The following RBBP5 variants were observed in gnomAD, a reference collection of about 807,000 sequenced individuals.
The protein encoded by RBBP5 is retinoblastoma-binding protein 5.
A neutral mutation model predicts 72.2 loss-of-function variants in RBBP5; 5 were observed. The observed-to-expected ratio is 0.07, with a 90% CI of 0.04 to 0.15. RBBP5 has a LOEUF of 0.15. RBBP5 is among the 10% of genes least tolerant of loss of function. RBBP5 has a pLI of 1.00. For synonymous variants in RBBP5, 209 were observed against 237.2 expected (o/e 0.88, Z 1.09); for missense variants, 322 against 652.2 (o/e 0.49, Z 5.51).
chr1:205,089,900 G>A (rs1655275479), intron 13 of RBBP5, among the ~76,000 whole-genome samples: 1 of 152,006 alleles, frequency 6.6e-6, no homozygotes, highest in African/African-American at 2.4e-5. Context: ...TGCCCAGGCT[G>A]GATTGCAATG....
chr1:205,094,788 A>T lies in RBBP5; in HGVS notation c.1588+85T>A, dbSNP rs1026966477. 17 of 1,371,338 alleles carry T rather than the reference A, an allele frequency of 1.2e-5. No homozygotes were observed. In the African/African-American group the frequency reaches 2.5e-4, roughly 20 times the overall value. 84.9% of individuals were successfully genotyped at this position (1,371,338 alleles called of 1,614,324 possible). A position where few individuals can be genotyped will look rare whatever the true frequency, so the allele number is the denominator to read the frequency against. ...GGAAAAACGAGGGAAGAGAGGGGGAAAAAATGTTGCAGTTAAATGAAGTCA... is the reference window on the plus strand; with the variant it reads ...GGAAAAACGAGGGAAGAGAGGGGGATAAAATGTTGCAGTTAAATGAAGTCA... On this transcript the variant is annotated intron_variant, in intron 13 of 13. Coordinates refer to ENST00000264515, the MANE Select transcript of RBBP5 (RefSeq NM_005057.4).
chr1:205,107,429 C>T (rs1656116927), intron 3 of RBBP5, among the ~76,000 whole-genome samples: 1 of 152,088 alleles, frequency 6.6e-6, no homozygotes, highest in Admixed American at 6.6e-5. Context: ...AGGGATTTCT[C>T]ATCAGAAACC....
chr1:205,106,755 T>C (rs573743220), intron 3 of RBBP5, among the ~76,000 whole-genome samples: 69 of 152,246 alleles, frequency 4.5e-4, no homozygotes, highest in African/African-American at 1.6e-3. Flanking sequence ...ACATAAATGT[T>C]AGAATTATCT....
intron 1 of RBBP5, among the ~76,000 whole-genome samples, chr1:205,120,181 C>A (rs1402872133): frequency 1.3e-5 from 2 of 152,172 alleles, no homozygotes; most frequent in South Asian, 2.1e-4. Context: ...CCTCATCACT[C>A]ATATAATCTA....
At chr1:205,101,293 C>T (rs1257353919) in intron 6 of RBBP5, among the ~76,000 whole-genome samples, 1 of 152,188 alleles carries the variant, frequency 6.6e-6, no homozygotes, top group Non-Finnish European at 1.5e-5. Context: ...TTGATGACAT[C>T]AGTCCTGATG....
intron 13 of RBBP5, among the ~76,000 whole-genome samples, chr1:205,089,749 T>G (rs1207242246): frequency 2.6e-5 from 4 of 152,232 alleles, no homozygotes; most frequent in African/African-American, 9.6e-5. Flanking sequence ...ATTTAAACTT[T>G]TCCATAGTTC....
intron 6 of RBBP5, among the ~76,000 whole-genome samples, chr1:205,100,599 A>G (rs1469569785): frequency 6.6e-6 from 1 of 152,166 alleles, no homozygotes; most frequent in East Asian, 1.9e-4. Flanking sequence ...TTTACACATA[A>G]TATATATTTT....
chr1:205,089,387 AT>A (rs1421183988), intron 13 of RBBP5, among the ~76,000 whole-genome samples: 3 of 152,224 alleles, frequency 2.0e-5, no homozygotes, highest in Non-Finnish European at 4.4e-5. Context: ...GAATAGTACA[AT>A]GAAATGAACA....
At chr1:205,102,803 G>C (rs1324646061) in intron 5 of RBBP5, among the ~76,000 whole-genome samples, 3 of 152,004 alleles carry the variant, frequency 2.0e-5, no homozygotes, top group Admixed American at 6.6e-5. Context: ...AGACCAGCCT[G>C]ATCAACATGG....
intron 3 of RBBP5, among the ~76,000 whole-genome samples, chr1:205,107,015 T>A (rs1277450229): frequency 6.6e-6 from 1 of 151,218 alleles, no homozygotes; most frequent in Non-Finnish European, 1.5e-5. Context: ...ACCATAGACA[T>A]ATATATATAT....
At chr1:205,093,523 TATATATATATAC>T (rs1255021862) in intron 13 of RBBP5, among the ~76,000 whole-genome samples, 2 of 21,820 alleles carry the variant, frequency 9.2e-5, no homozygotes, top group South Asian at 1.7e-3. Flanking sequence ...TATATATATA[TATATATATATAC>T]ACACACACAC....
chr1:205,094,602 C>T (rs982565427), intron 13 of RBBP5, among the ~76,000 whole-genome samples: 3 of 152,120 alleles, frequency 2.0e-5, no homozygotes, highest in Admixed American at 6.5e-5. Flanking sequence ...GGACATCTTC[C>T]CCAGAAAAAT....
intron 1 of RBBP5, among the ~76,000 whole-genome samples, chr1:205,118,236 TCAATGTTTTTCAAACAGTAAGACG>T (rs1656603209): frequency 6.6e-6 from 1 of 152,200 alleles, no homozygotes; most frequent in Non-Finnish European, 1.5e-5. Flanking sequence ...GTATCTTATT[TCAATGTTTTTCAAACAGTAAGACG>T]CAATCCACCA....
At chr1:205,109,565 T>C (rs1656220181) in intron 3 of RBBP5, among the ~76,000 whole-genome samples, 1 of 55,834 alleles carries the variant, frequency 1.8e-5, no homozygotes, top group African/African-American at 8.4e-5. Flanking sequence ...TACTAGGGGG[T>C]GGGTGGGGTA....
At chr1:205,089,445 G>A (rs868703001) in intron 13 of RBBP5, among the ~76,000 whole-genome samples, 2 of 152,156 alleles carry the variant, frequency 1.3e-5, no homozygotes, top group East Asian at 1.9e-4. Context: ...GAGAGACATC[G>A]TTAAATGAGC....
intron 11 of RBBP5, 46 bp downstream of exon 11, chr1:205,097,280 C>T: frequency 6.5e-7 from 1 of 1,529,670 alleles, no homozygotes; most frequent in Non-Finnish European, 8.9e-7. Context: ...CCCCAGAGGC[C>T]AGGAGCAGCA....
chr1:205,098,470 C>T (rs1401004368), intron 10 of RBBP5, among the ~76,000 whole-genome samples: 1 of 152,076 alleles, frequency 6.6e-6, no homozygotes, highest in Non-Finnish European at 1.5e-5. Context: ...CATATAAGCC[C>T]TTAGTAAACA....
chr1:205,111,876 C>G (rs1051862727), intron 3 of RBBP5, among the ~76,000 whole-genome samples: 1 of 152,090 alleles, frequency 6.6e-6, no homozygotes, highest in African/African-American at 2.4e-5. Context: ...CTTGTCATAT[C>G]GTATGTCCCA....
At chr1:205,119,229 C>T (rs1656644921) in intron 1 of RBBP5, among the ~76,000 whole-genome samples, 2 of 152,024 alleles carry the variant, frequency 1.3e-5, no homozygotes, top group African/African-American at 4.8e-5. Context: ...CCAGTCTCTA[C>T]TAAAAATACA....
Sources: gnomAD v4.1 joint callset for allele counts (sites outside exome capture counted in the v4.1 genomes callset) on GRCh38, gnomAD v4.1.1 for gene constraint, MANE v1.5 for transcripts, NCBI Gene and HGNC (gene_info 2026-07-23, HGNC 2026-07-21) for gene names.